PEPD: variants seen among roughly 807,000 people sequenced by gnomAD.
The protein encoded by PEPD is xaa-Pro dipeptidase.
A neutral mutation model predicts 60.7 loss-of-function variants in PEPD; 53 were observed. That is an observed-to-expected ratio of 0.87 (90% CI 0.70 to 1.10). The LOEUF (loss-of-function observed/expected upper bound fraction) is 1.10, where lower values mean the gene tolerates loss of function less well. Among genes scored for constraint, PEPD ranks in the 50% least tolerant of loss-of-function variants. PEPD has a pLI of 0.00. For synonymous variants in PEPD, 267 were observed against 284.1 expected (o/e 0.94, Z 0.60); for missense variants, 711 against 711.9 (o/e 1.00, Z 0.01).
chr19:33,456,026 T>C (rs1969791525), intron 9 of PEPD, among the ~76,000 whole-genome samples: 1 of 152,186 alleles, frequency 6.6e-6, no homozygotes, highest in Admixed American at 6.5e-5. Context: ...TTCTCTCTGG[T>C]TCTCTGTCCA....
At chr19:33,418,946 G>A (rs1344466715) in intron 9 of PEPD, among the ~76,000 whole-genome samples, 1 of 152,192 alleles carries the variant, frequency 6.6e-6, no homozygotes, top group Non-Finnish European at 1.5e-5. Flanking sequence ...CAGCATCACC[G>A]TGTAGCCGGC....
intron 9 of PEPD, among the ~76,000 whole-genome samples, chr19:33,420,702 AAAATAAATAAAT>A (rs61576295): frequency 0.039 from 5,827 of 149,282 alleles, 309 homozygotes; most frequent in Admixed American, 0.16. Context: ...ACTCTGTCTC[AAAATAAATAAAT>A]AAATAAATAA....
chr19:33,464,792 G>A (rs1380018280), intron 7 of PEPD, among the ~76,000 whole-genome samples: 1 of 152,114 alleles, frequency 6.6e-6, no homozygotes, highest in Non-Finnish European at 1.5e-5. Context: ...GTGTTAATTT[G>A]CCCAAATGTG....
intron 9 of PEPD, among the ~76,000 whole-genome samples, chr19:33,432,781 G>C (rs564505536): frequency 6.6e-6 from 1 of 152,354 alleles, no homozygotes; most frequent in South Asian, 2.1e-4. Flanking sequence ...TCCACTCACA[G>C]CTTTGAAATC....
At chr19:33,419,357 T>A (rs1403546530) in intron 9 of PEPD, among the ~76,000 whole-genome samples, 3 of 152,234 alleles carry the variant, frequency 2.0e-5, no homozygotes, top group African/African-American at 7.2e-5. Context: ...CCACTCAGTC[T>A]GAGGCTTGAG....
intron 5 of PEPD, among the ~76,000 whole-genome samples, chr19:33,492,223 C>T (rs765342082): frequency 3.9e-5 from 6 of 151,968 alleles, no homozygotes; most frequent in Admixed American, 2.0e-4. Context: ...ACCCTGCCGG[C>T]GTACCCAGAG....
At chr19:33,485,135 T>C (rs954577243) in intron 6 of PEPD, among the ~76,000 whole-genome samples, 2 of 151,736 alleles carry the variant, frequency 1.3e-5, no homozygotes, top group Non-Finnish European at 2.9e-5. Context: ...TGCCAAAGGG[T>C]TGGGTCAGGT....
chr19:33,390,706 T>A (rs1295354731), intron 13 of PEPD, among the ~76,000 whole-genome samples: 1 of 152,192 alleles, frequency 6.6e-6, no homozygotes, highest in Non-Finnish European at 1.5e-5. Context: ...GGGAACCTTG[T>A]CTGGAGATGG....
At chr19:33,394,089 C>T (rs1354793282) in intron 12 of PEPD, among the ~76,000 whole-genome samples, 3 of 152,364 alleles carry the variant, frequency 2.0e-5, no homozygotes, top group African/African-American at 4.8e-5. Flanking sequence ...CCGAGGGCAC[C>T]GCTGGGCCTG....
chr19:33,433,254 T>C (rs1363967699), intron 9 of PEPD, among the ~76,000 whole-genome samples: 2 of 152,220 alleles, frequency 1.3e-5, no homozygotes, highest in Non-Finnish European at 2.9e-5. Flanking sequence ...TGCAGTCTGA[T>C]GGCTGGCTCT....
At chr19:33,398,234 ACAGGGTTGC>A (rs1968411487) in intron 12 of PEPD, among the ~76,000 whole-genome samples, 1 of 152,208 alleles carries the variant, frequency 6.6e-6, no homozygotes, top group Admixed American at 6.5e-5. Flanking sequence ...GCTTGGGTGT[ACAGGGTTGC>A]TGGGCTTGGT....
intron 13 of PEPD, among the ~76,000 whole-genome samples, chr19:33,390,311 G>C (rs921358590): frequency 6.6e-6 from 1 of 152,212 alleles, no homozygotes; most frequent in Non-Finnish European, 1.5e-5. Flanking sequence ...CCCAGCTCTT[G>C]GCTCCCTGCA....
chr19:33,463,337 G>A (rs567384425), intron 8 of PEPD, among the ~76,000 whole-genome samples: 9 of 152,302 alleles, frequency 5.9e-5, no homozygotes, highest in East Asian at 3.9e-4. Context: ...ATTTAACCAC[G>A]AGGTGCTTGG....
At chr19:33,431,402 T>C (rs1969272051) in intron 9 of PEPD, among the ~76,000 whole-genome samples, 1 of 152,122 alleles carries the variant, frequency 6.6e-6, no homozygotes. Context: ...ATCTTCATCA[T>C]CCCAAAACTC....
chr19:33,409,583 G>T (rs980040080), intron 11 of PEPD, among the ~76,000 whole-genome samples: 3 of 152,216 alleles, frequency 2.0e-5, no homozygotes, highest in Non-Finnish European at 4.4e-5. Flanking sequence ...GCTGAGGTGG[G>T]AGGATCTCTT....
At chr19:33,501,281 ACCCCTATCAT>A (rs1281411406) in intron 3 of PEPD, among the ~76,000 whole-genome samples, 1 of 151,002 alleles carries the variant, frequency 6.6e-6, no homozygotes, top group Non-Finnish European at 1.5e-5. Flanking sequence ...TGCAGACAAA[ACCCCTATCAT>A]CCCCTCCACT....
intron 7 of PEPD, among the ~76,000 whole-genome samples, chr19:33,465,300 T>C (rs1441722938): frequency 1.3e-5 from 2 of 152,166 alleles, no homozygotes; most frequent in African/African-American, 2.4e-5. Flanking sequence ...CCAGTATTCA[T>C]GACAGGCCCA....
chr19:33,496,155 C>T (rs1170253931), intron 4 of PEPD, among the ~76,000 whole-genome samples: 2 of 152,066 alleles, frequency 1.3e-5, no homozygotes, highest in South Asian at 2.1e-4. Flanking sequence ...AGAAGGAGCC[C>T]GTCAATTACA....
intron 5 of PEPD, 62 bp downstream of exon 5, chr19:33,493,228 G>A: frequency 8.6e-7 from 1 of 1,156,488 alleles, no homozygotes; most frequent in Non-Finnish European, 1.3e-6. Context: ...AGGAGAGGTG[G>A]CCCCCATAAA....
Sources: gnomAD v4.1 joint callset for allele counts (sites outside exome capture counted in the v4.1 genomes callset) on GRCh38, gnomAD v4.1.1 for gene constraint, MANE v1.5 for transcripts, NCBI Gene and HGNC (gene_info 2026-07-23, HGNC 2026-07-21) for gene names.